Variants in CAST observed in about 807,000 individuals in gnomAD.
The protein encoded by CAST is MIR583 host.
CAST carries 76 observed loss-of-function variants against 119.6 expected under a neutral mutation model. The ratio of observed to expected loss-of-function variants is 0.64; its 90% CI spans 0.53 to 0.77. CAST has a LOEUF of 0.77. Among genes scored for constraint, CAST ranks in the 30% least tolerant of loss-of-function variants. The probability of loss-of-function intolerance (pLI) is 0.00; values close to 1 mark genes in which losing one functional copy is unlikely to be tolerated. For missense variants in CAST, 953 were observed against 946.5 expected (o/e 1.01, Z -0.09); for synonymous variants, 319 against 331.6 (o/e 0.96, Z 0.41).
At chr5:96,115,405 C>G in the CAST span, among the ~76,000 whole-genome samples, 1 of 152,230 alleles carries the variant, frequency 6.6e-6, no homozygotes, top group African/African-American at 2.4e-5. Context: ...GGGCTAGGCC[C>G]TGTTCTAAGC....
At chr5:96,501,244 C>A in the CAST span, among the ~76,000 whole-genome samples, 1 of 152,078 alleles carries the variant, frequency 6.6e-6, no homozygotes, top group Non-Finnish European at 1.5e-5. Context: ...ACAAAAAAAA[C>A]TTAAATATGT....
chr5:96,455,075 G>T, the CAST span, among the ~76,000 whole-genome samples: 2 of 152,020 alleles, frequency 1.3e-5, no homozygotes, highest in Non-Finnish European at 2.9e-5. Context: ...AAATAATAAC[G>T]CAGGCATATG....
At chr5:96,556,625 T>C (rs529516262) in intron 1 of CAST, among the ~76,000 whole-genome samples, 1 of 151,844 alleles carries the variant, frequency 6.6e-6, no homozygotes, top group Non-Finnish European at 1.5e-5. Flanking sequence ...GAAGACCAAA[T>C]GAATGAAATG....
At chr5:96,000,347 T>A in the CAST span, among the ~76,000 whole-genome samples, 9 of 152,358 alleles carry the variant, frequency 5.9e-5, no homozygotes, top group East Asian at 5.8e-4. Context: ...TCTTCAAGGT[T>A]ATCTCCTATG....
At chr5:96,052,445 T>A in the CAST span, among the ~76,000 whole-genome samples, 2 of 152,178 alleles carry the variant, frequency 1.3e-5, no homozygotes, top group Non-Finnish European at 2.9e-5. Flanking sequence ...ATATCTCTGG[T>A]TAGGTGCCCA....
rs555714335 is a variant in CAST at position 96,592,324 on chromosome 5, C to A, written c.60+62444C>A. 3.3e-5 allele frequency among the ~76,000 whole-genome samples: 5 copies of A among 151,908 alleles called. No individual in the cohort carries two copies. The South Asian group carries it at 1.0e-3, about 32-fold the overall frequency. On this transcript the variant is annotated intron_variant, in intron 1 of 11. Coordinates refer to the CAST transcript ENST00000505143. ...GCTGAGGCAGGAGAATAGTTTGAGC[C>A]CGGGAGGTGGAGGTTGCAGTAAGCC...
intron 1 of CAST, among the ~76,000 whole-genome samples, chr5:96,578,138 A>G (rs541019862): frequency 2.0e-5 from 3 of 152,222 alleles, no homozygotes; most frequent in Admixed American, 6.5e-5. Context: ...TAAACATATG[A>G]CTTTCTAGTG....
intron 1 of CAST, among the ~76,000 whole-genome samples, chr5:96,588,196 C>CTTTTTTTT (rs140665192): frequency 0.034 from 2,620 of 75,956 alleles, 127 homozygotes; most frequent in East Asian, 0.047. Context: ...TTCTTTCTTT[C>CTTTTTTTT]TTTTTTTTTT....
At chr5:96,559,191 A>C (rs1746306432) in intron 1 of CAST, among the ~76,000 whole-genome samples, 1 of 152,172 alleles carries the variant, frequency 6.6e-6, no homozygotes, top group Non-Finnish European at 1.5e-5. Context: ...TAAATTAGGT[A>C]TTGATGGGAA....
chr5:96,290,863 C>A, the CAST span, among the ~76,000 whole-genome samples: 1 of 152,308 alleles, frequency 6.6e-6, no homozygotes, highest in South Asian at 2.1e-4. Context: ...TCCCCTCTTG[C>A]TATCAGTAGG....
chr5:96,760,761 A>C (rs2150665624), intron 24 of CAST: 1 of 152,140 alleles, frequency 6.6e-6, no homozygotes, highest in African/African-American at 2.4e-5. Flanking sequence ...AAGGCCATAC[A>C]TTAAGTCAGT....
At chr5:96,053,151 G>C in the CAST span, among the ~76,000 whole-genome samples, 2 of 152,076 alleles carry the variant, frequency 1.3e-5, no homozygotes, top group Admixed American at 1.3e-4. Context: ...TATTCCAGTG[G>C]TTCTCAATAT....
the CAST span, among the ~76,000 whole-genome samples, chr5:96,494,944 C>T: frequency 7.2e-5 from 11 of 151,836 alleles, no homozygotes; most frequent in Non-Finnish European, 8.8e-5. Flanking sequence ...AGTGAAACCC[C>T]GTCTCTACTA....
At chr5:96,488,287 G>A in the CAST span, among the ~76,000 whole-genome samples, 2 of 151,938 alleles carry the variant, frequency 1.3e-5, no homozygotes, top group African/African-American at 4.8e-5. Flanking sequence ...GTGACAAATA[G>A]AACTCACATA....
At chr5:96,551,436 A>G (rs1746124182) in intron 1 of CAST, among the ~76,000 whole-genome samples, 3 of 152,226 alleles carry the variant, frequency 2.0e-5, no homozygotes, top group Admixed American at 2.0e-4. Context: ...CATGGAAAGG[A>G]ACAACTGGTA....
At chr5:96,226,275 C>T in the CAST span, among the ~76,000 whole-genome samples, 1 of 152,100 alleles carries the variant, frequency 6.6e-6, no homozygotes, top group Non-Finnish European at 1.5e-5. Flanking sequence ...GGGACCAGGA[C>T]CTTACAACCG....
intron 28 of CAST, 77 bp downstream of exon 28, chr5:96,767,559 T>G: frequency 9.5e-7 from 1 of 1,048,944 alleles, no homozygotes; most frequent in Admixed American, 1.8e-5. Flanking sequence ...TTTAGAAAAC[T>G]AAAACATATT....
the CAST span, among the ~76,000 whole-genome samples, chr5:96,175,589 A>G: frequency 3.3e-4 from 50 of 152,340 alleles, no homozygotes; most frequent in African/African-American, 1.1e-3. Context: ...CTATAAATTA[A>G]TTGGGGTAAC....
At chr5:96,330,570 A>G in the CAST span, among the ~76,000 whole-genome samples, 2 of 152,190 alleles carry the variant, frequency 1.3e-5, no homozygotes, top group African/African-American at 2.4e-5. Context: ...ATCAGCCTCT[A>G]TACATTTAGA....
Sources: allele counts gnomAD v4.1 joint callset (sites outside exome capture counted in the v4.1 genomes callset), GRCh38; gene constraint gnomAD v4.1.1; transcripts MANE v1.5; gene names NCBI Gene and HGNC (gene_info 2026-07-23, HGNC 2026-07-21).